FRMD4A: variants seen among roughly 807,000 people sequenced by gnomAD.
FRMD4A encodes the protein FERM domain containing 4A, also known as FERM domain-containing protein 4A.
In FRMD4A, 29 loss-of-function variants were observed where a neutral mutation model predicts 129.1. That is an observed-to-expected ratio of 0.22 (90% CI 0.17 to 0.31). The LOEUF is 0.31. Among genes scored for constraint, FRMD4A ranks in the 10% least tolerant of loss-of-function variants. The pLI, the probability that FRMD4A is intolerant of heterozygous loss-of-function variation, is 1.00. For missense variants in FRMD4A, 1,272 were observed against 1,375.8 expected (o/e 0.92, Z 1.19); for synonymous variants, 634 against 571.6 (o/e 1.11, Z -1.56).
At chr10:13,941,544 AC>A (rs1196000811) in intron 2 of FRMD4A, among the ~76,000 whole-genome samples, 14 of 152,218 alleles carry the variant, frequency 9.2e-5, no homozygotes, top group African/African-American at 3.1e-4. Context: ...GCAAAACAAA[AC>A]AGGGTAAGAG....
At chr10:14,039,498 C>G (rs112161879) in intron 2 of FRMD4A, among the ~76,000 whole-genome samples, 43 of 150,958 alleles carry the variant, frequency 2.8e-4, no homozygotes, top group African/African-American at 1.0e-3. Context: ...ATCTATCTAT[C>G]TATCTATCTA....
In FRMD4A at chr10:13,959,792, C is replaced by A. The variant is rs575353706; in HGVS notation, c.46-100880G>T. ...CTGCCATTCCTGGATCAGAGCCCTGCAACACGGGGTCAGCTGCAATTTGCC... is the reference window on the plus strand; with the variant it reads ...CTGCCATTCCTGGATCAGAGCCCTGAAACACGGGGTCAGCTGCAATTTGCC... On this transcript the variant is annotated intron_variant, in intron 2 of 24. Coordinates refer to ENST00000357447, the MANE Select transcript of FRMD4A (RefSeq NM_018027.5). Among the ~76,000 whole-genome samples, 69 of 152,314 alleles carry A rather than the reference C, an allele frequency of 4.5e-4. 1 individual carries two copies. In the South Asian group the frequency reaches 0.014, roughly 31 times the overall value.
chr10:13,838,991 C>CTTTTT (rs373871027), intron 3 of FRMD4A, among the ~76,000 whole-genome samples: 19 of 95,700 alleles, frequency 2.0e-4, no homozygotes, highest in South Asian at 7.8e-4. Context: ...GAATAATTTC[C>CTTTTT]TTTTTTTTTT....
At chr10:13,678,707 T>C (rs1452433040) in intron 15 of FRMD4A, among the ~76,000 whole-genome samples, 1 of 152,218 alleles carries the variant, frequency 6.6e-6, no homozygotes, top group Non-Finnish European at 1.5e-5. Flanking sequence ...TCGTACCCAA[T>C]TCAGTGTAAC....
In FRMD4A at chr10:14,052,910, G is replaced by T. The variant is rs116574885; in HGVS notation, c.46-193998C>A. ...CAGATCTTGCCGTAACTCATAGAGT[G>T]ATAACTCATTCTTTACTGCAAGGAG... On this transcript the variant is annotated intron_variant, in intron 2 of 24. Transcript: ENST00000357447. 1.9e-3 allele frequency among the ~76,000 whole-genome samples: 296 copies of T among 152,206 alleles called. 1 individual carries two copies. The highest frequency in any genetic ancestry group is 6.9e-3 in the African/African-American group (286 of 41,522).
chr10:13,861,825 T>C (rs2094299090), intron 2 of FRMD4A, among the ~76,000 whole-genome samples: 2 of 152,174 alleles, frequency 1.3e-5, no homozygotes, highest in South Asian at 4.1e-4. Flanking sequence ...TTTCAATCAT[T>C]CCCTAAGTTC....
At chr10:13,653,283 G>GT (rs1218177442) in intron 23 of FRMD4A, 4 of 152,164 alleles carry the variant, frequency 2.6e-5, no homozygotes, top group African/African-American at 9.6e-5. Context: ...GGAAGCTGAG[G>GT]TGGGTGGATC....
intron 13 of FRMD4A, among the ~76,000 whole-genome samples, chr10:13,705,373 C>T (rs1260384947): frequency 1.3e-5 from 2 of 152,152 alleles, no homozygotes; most frequent in East Asian, 1.9e-4. Context: ...CAGATATATG[C>T]GTGCGTGGTT....
intron 2 of FRMD4A, among the ~76,000 whole-genome samples, chr10:14,003,951 G>C (rs2131624532): frequency 6.6e-6 from 1 of 152,250 alleles, no homozygotes; most frequent in African/African-American, 2.4e-5. Context: ...ACATTTATTA[G>C]AATTTTCCAT....
At chr10:14,120,694 C>G (rs998561344) in intron 2 of FRMD4A, among the ~76,000 whole-genome samples, 7 of 152,286 alleles carry the variant, frequency 4.6e-5, no homozygotes, top group Admixed American at 4.6e-4. Context: ...CCTGGGATCA[C>G]TTCTAGTTTT....
chr10:14,087,333 A>AAATTATATTTATATATTAT (rs1184014996), intron 2 of FRMD4A, among the ~76,000 whole-genome samples: 4 of 147,460 alleles, frequency 2.7e-5, no homozygotes, highest in African/African-American at 7.4e-5. Context: ...TATAATATAT[A>AAATTATATTTATATATTAT]AATTATATTT....
intron 2 of FRMD4A, among the ~76,000 whole-genome samples, chr10:13,884,112 A>ACACACACT (rs879336819): frequency 0.014 from 1,767 of 129,828 alleles, 119 homozygotes; most frequent in East Asian, 0.083. Context: ...AAACACACAC[A>ACACACACT]CACACACACT....
intron 12 of FRMD4A, among the ~76,000 whole-genome samples, chr10:13,709,172 C>A (rs539955085): frequency 1.3e-5 from 2 of 152,322 alleles, no homozygotes; most frequent in Admixed American, 1.3e-4. Context: ...CCATGTTGGG[C>A]AGGCTGGTCT....
intron 2 of FRMD4A, among the ~76,000 whole-genome samples, chr10:13,980,370 C>G (rs1197316573): frequency 6.6e-6 from 1 of 152,212 alleles, no homozygotes. Context: ...CTATTTTATT[C>G]TAGTCCATCA....
At chr10:14,044,129 C>T (rs1039057233) in intron 2 of FRMD4A, among the ~76,000 whole-genome samples, 6 of 152,192 alleles carry the variant, frequency 3.9e-5, no homozygotes, top group African/African-American at 1.4e-4. Flanking sequence ...GTGTCCTGCC[C>T]TTTGGGTCAT....
intron 9 of FRMD4A, among the ~76,000 whole-genome samples, chr10:13,743,470 G>A (rs1013672176): frequency 1.4e-4 from 22 of 152,168 alleles, no homozygotes; most frequent in African/African-American, 5.3e-4. Flanking sequence ...ACTAGGGAGA[G>A]AGGGTCCCTG....
intron 2 of FRMD4A, among the ~76,000 whole-genome samples, chr10:13,935,475 AGTT>A (rs2095241306): frequency 9.5e-5 from 13 of 136,776 alleles, no homozygotes; most frequent in South Asian, 2.4e-4. Context: ...AAAAAAAAAA[AGTT>A]GTTACCAAAT....
At chr10:13,955,109 C>T (rs2095401485) in intron 2 of FRMD4A, among the ~76,000 whole-genome samples, 1 of 37,514 alleles carries the variant, frequency 2.7e-5, no homozygotes, top group Non-Finnish European at 4.3e-5. Flanking sequence ...GTTAATAATT[C>T]TGCTTTTTTT....
At chr10:13,714,440 A>T in intron 12 of FRMD4A, among the ~76,000 whole-genome samples, 1 of 150,246 alleles carries the variant, frequency 6.7e-6, no homozygotes. Context: ...CATTCAATAT[A>T]TTTTACTTTT....
Sources: gnomAD v4.1 joint callset for allele counts (sites outside exome capture counted in the v4.1 genomes callset) on GRCh38, gnomAD v4.1.1 for gene constraint, MANE v1.5 for transcripts, NCBI Gene and HGNC (gene_info 2026-07-23, HGNC 2026-07-21) for gene names.